Variants in PRDM16 observed in about 807,000 individuals in gnomAD.
The protein encoded by PRDM16 is PR/SET domain 16, also known as histone-lysine N-methyltransferase PRDM16.
PRDM16 carries 23 observed loss-of-function variants against 110.6 expected under a neutral mutation model. That is an observed-to-expected ratio of 0.21 (90% CI 0.15 to 0.29). The LOEUF is 0.29. Among genes scored for constraint, PRDM16 ranks in the 10% least tolerant of loss-of-function variants. The probability of loss-of-function intolerance (pLI) is 1.00; values close to 1 mark genes in which losing one functional copy is unlikely to be tolerated. For missense variants in PRDM16, 1,615 were observed against 1,794.3 expected, an observed-to-expected ratio of 0.90 and a Z score of 1.81; for synonymous variants, 799 against 781.8, an observed-to-expected ratio of 1.02 and a Z score of -0.37.
chr1:3,157,958 G>A lies in PRDM16; in HGVS notation c.38-28167G>A, dbSNP rs371778240. On this transcript the variant is annotated intron_variant, in intron 1 of 16. Coordinates refer to ENST00000270722, the MANE Select transcript of PRDM16 (RefSeq NM_022114.4). The surrounding 1 kb of genome is among the most constrained non-coding windows in gnomAD (Gnocchi z 4.8). ...CGAAAATTACAAAATAATTACAAAT[G>A]ATAAAAACAATGACTGCTCATTGCA... Among the ~76,000 whole-genome samples the A allele has an allele frequency of 9.9e-5, 15 of 152,186 alleles. No homozygotes were observed. Among genetic ancestry groups the A allele is most frequent in the African/African-American group, 3.6e-4 (15 of 41,446 alleles).
chr1:3,365,009 A>T (rs1317170667), intron 3 of PRDM16, among the ~76,000 whole-genome samples: 2 of 152,146 alleles, frequency 1.3e-5, no homozygotes, highest in African/African-American at 2.4e-5. Context: ...CTCCCAGGGG[A>T]TGCAAAGGAA....
chr1:3,212,437 C>T (rs537368445), intron 2 of PRDM16, among the ~76,000 whole-genome samples: 18 of 152,220 alleles, frequency 1.2e-4, no homozygotes, highest in African/African-American at 3.9e-4. Flanking sequence ...GGCCTGGAGC[C>T]GGCCGGACGC....
chr1:3,073,265 G>A (rs1570197527), intron 1 of PRDM16, among the ~76,000 whole-genome samples: 1 of 152,216 alleles, frequency 6.6e-6, no homozygotes, highest in East Asian at 1.9e-4. Flanking sequence ...GCAGCTCGCT[G>A]GGCCGCTGTG....
chr1:3,287,178 G>A (rs1241045687), intron 3 of PRDM16, among the ~76,000 whole-genome samples: 2 of 152,216 alleles, frequency 1.3e-5, no homozygotes, highest in Non-Finnish European at 2.9e-5. Context: ...TGTTGAAACC[G>A]TGGTGCCTCC....
rs544682774 is a variant in PRDM16 at position 3,208,871 on chromosome 1, GC to G, written c.387+22404del. On this transcript the variant is annotated intron_variant, in intron 2 of 16. Coordinates refer to ENST00000270722, the MANE Select transcript of PRDM16 (RefSeq NM_022114.4). This position sits in a 1 kb window ranked among gnomAD's most constrained non-coding sequence, Gnocchi z 6.1. ...TTGCTCCCTGAGTGCCTGTCCAGAGGCCCCCCCAGGTCCCCACGAGTGGGTG... is the reference window on the plus strand; with the variant it reads ...TTGCTCCCTGAGTGCCTGTCCAGAGGCCCCCCAGGTCCCCACGAGTGGGTG... 6.6e-6 allele frequency among the ~76,000 whole-genome samples: 1 copy of G among 152,026 alleles called. No homozygotes were observed. Among genetic ancestry groups the G allele is most frequent in the Non-Finnish European group, 1.5e-5 (1 of 68,004 alleles).
chr1:3,294,625 C>A (rs568053038), intron 3 of PRDM16, among the ~76,000 whole-genome samples: 15 of 152,140 alleles, frequency 9.9e-5, no homozygotes, highest in Admixed American at 6.5e-5. Context: ...AGGATCCCGA[C>A]GGATCCCGTG....
At chr1:3,349,896 C>A (rs1032173381) in intron 3 of PRDM16, among the ~76,000 whole-genome samples, 3 of 152,188 alleles carry the variant, frequency 2.0e-5, no homozygotes, top group Admixed American at 2.0e-4. Context: ...CTTGCTCAGG[C>A]GCCCTCTGCC....
Position 3,435,106 on chromosome 1 carries a change from G to A in PRDM16, c.*1295G>A, listed in dbSNP as rs1468580246. On this transcript the variant is annotated 3_prime_UTR_variant, in exon 17 of 17. Coordinates refer to ENST00000270722, the MANE Select transcript of PRDM16 (RefSeq NM_022114.4). ...ACAGCACAGCCCCCCGGGCCCAGCC[G>A]CCTCCCTCTCTTGGGACGCAACTTC... 4 of 226,886 alleles carry A rather than the reference G, an allele frequency of 1.8e-5. No individual in the cohort carries two copies. In the East Asian group the frequency reaches 1.9e-4, roughly 11 times the overall value. The allele number at this position is 226,886 out of a possible 1,614,324, so 14.1% of individuals were successfully genotyped here.
chr1:3,198,291 T>C (rs1045510894), intron 2 of PRDM16, among the ~76,000 whole-genome samples: 4 of 152,200 alleles, frequency 2.6e-5, no homozygotes, highest in African/African-American at 9.7e-5. Context: ...CTGAGTGCCT[T>C]AGAGAAGGCC....
intron 3 of PRDM16, among the ~76,000 whole-genome samples, chr1:3,282,967 A>C (rs1640743009): frequency 6.6e-6 from 1 of 152,094 alleles, no homozygotes; most frequent in African/African-American, 2.4e-5. Flanking sequence ...CTTCCTTCTG[A>C]GTTTTCTTTG....
chr1:3,400,273 C>T (rs1423008654), intron 5 of PRDM16, among the ~76,000 whole-genome samples: 1 of 152,242 alleles, frequency 6.6e-6, no homozygotes, highest in Admixed American at 6.5e-5. Flanking sequence ...TGGGTGCTTG[C>T]AGGTCGATGC....
intron 3 of PRDM16, among the ~76,000 whole-genome samples, chr1:3,346,871 G>A (rs983700321): frequency 6.6e-6 from 1 of 152,346 alleles, no homozygotes; most frequent in East Asian, 1.9e-4. Flanking sequence ...CTCCTGAGCA[G>A]TTCCTAACAC....
chr1:3,103,391 T>G (rs1199058729), intron 1 of PRDM16, among the ~76,000 whole-genome samples: 17 of 152,200 alleles, frequency 1.1e-4, no homozygotes, highest in Admixed American at 1.1e-3. Context: ...TCCCTTTACC[T>G]TAGTCGTCTC....
At chr1:3,249,859 C>G (rs1215675496) in intron 3 of PRDM16, among the ~76,000 whole-genome samples, 1 of 152,206 alleles carries the variant, frequency 6.6e-6, no homozygotes, top group African/African-American at 2.4e-5. Flanking sequence ...AAAGTCAGTC[C>G]CCTCTTGAGA....
intron 1 of PRDM16, among the ~76,000 whole-genome samples, chr1:3,144,706 G>C (rs1643613073): frequency 6.6e-6 from 1 of 152,232 alleles, no homozygotes; most frequent in African/African-American, 2.4e-5. Context: ...GATGGGCTAT[G>C]CACCCAGCCG....
chr1:3,103,725 G>T (rs1397615476), intron 1 of PRDM16, among the ~76,000 whole-genome samples: 1 of 152,136 alleles, frequency 6.6e-6, no homozygotes, highest in Non-Finnish European at 1.5e-5. Flanking sequence ...TTAAAGAGAG[G>T]CCTCAAACCT....
intron 3 of PRDM16, among the ~76,000 whole-genome samples, chr1:3,365,157 G>A (rs916866773): frequency 3.9e-5 from 6 of 152,286 alleles, no homozygotes; most frequent in Non-Finnish European, 7.4e-5. Flanking sequence ...GAGTCGGGTC[G>A]CATGGCCCCC....
chr1:3,181,864 TC>T (rs1474748905), intron 1 of PRDM16, among the ~76,000 whole-genome samples: 81 of 100,688 alleles, frequency 8.0e-4, no homozygotes, highest in African/African-American at 1.8e-3. Flanking sequence ...ACACACGCAG[TC>T]TTACACACGG....
At chr1:3,123,363 A>G (rs74050115) in intron 1 of PRDM16, among the ~76,000 whole-genome samples, 7,225 of 152,286 alleles carry the variant, frequency 0.047, 562 homozygotes, top group African/African-American at 0.16. Flanking sequence ...TGACAAATTT[A>G]TCAACCCCCA....
Sources: gnomAD v4.1 joint callset for allele counts (sites outside exome capture counted in the v4.1 genomes callset) on GRCh38, gnomAD v4.1.1 for gene constraint, Gnocchi (gnomAD v3.1) non-coding constraint, MANE v1.5 for transcripts, NCBI Gene and HGNC (gene_info 2026-07-23, HGNC 2026-07-21) for gene names.